The following FBN2 variants were observed in gnomAD, a reference collection of about 807,000 sequenced individuals.
The protein encoded by FBN2 is fibrillin-2.
Under a neutral mutation model 355.6 loss-of-function variants are expected in FBN2, and 105 were observed. The ratio of observed to expected loss-of-function variants is 0.30; its 90% confidence interval spans 0.25 to 0.35. The LOEUF is 0.35. FBN2 is among the 10% of genes least tolerant of loss of function. The probability of loss-of-function intolerance (pLI) is 1.00; values close to 1 mark genes in which losing one functional copy is unlikely to be tolerated. For synonymous variants in FBN2, 1,350 were observed against 1,301.2 expected (o/e 1.04, Z -0.81); for missense variants, 3,280 against 3,758.7 (o/e 0.87, Z 3.33).
At position 128,259,746 on chromosome 5, in the gene FBN2, C is replaced by G. The variant is rs758191719; in HGVS notation, c.8448G>C (p.Glu2816Asp). The change falls in exon 65 of 65, where the codon GAG becomes GAC. Residue 2816 changes from glutamate (E) to aspartate (D), a missense_variant. Transcript: ENST00000262464. ...KFNLSHLGSK[E>D]HILELRPAIQ... ...TGGCGGGCCTTAGTTCCAGGATGTG[C>G]TCCTTAGAGCCGAGGTGGGAGAGGT... 3 of 1,613,784 alleles carry G rather than the reference C, an allele frequency of 1.9e-6. No homozygotes were observed. The highest frequency in any genetic ancestry group is 2.5e-6 in the Non-Finnish European group (3 of 1,179,936).
chr5:128,323,706 A>G (rs983753688), intron 34 of FBN2, among the ~76,000 whole-genome samples: 4 of 152,212 alleles, frequency 2.6e-5, no homozygotes, highest in African/African-American at 9.6e-5. Flanking sequence ...TATTTTATTG[A>G]GAATCTTTGC....
intron 44 of FBN2, 89 bp from the exon 45 acceptor site, chr5:128,305,171 T>A: frequency 1.8e-6 from 2 of 1,098,570 alleles, no homozygotes; most frequent in Non-Finnish European, 2.7e-6. Context: ...AATCTGCTAT[T>A]AATTATTATA....
intron 8 of FBN2, among the ~76,000 whole-genome samples, chr5:128,401,351 A>T (rs1752793584): frequency 6.6e-6 from 1 of 152,240 alleles, no homozygotes; most frequent in Admixed American, 6.5e-5. Context: ...TATAGCTAAT[A>T]AAATCCAAAT....
At chr5:128,473,410 C>T (rs10035972) in intron 5 of FBN2, among the ~76,000 whole-genome samples, 54,340 of 152,028 alleles carry the variant, frequency 0.36, 12,006 homozygotes, top group African/African-American at 0.63. Context: ...TGTAGTGGCC[C>T]TTTTAATATA....
chr5:128,433,748 A>C (rs1406970344), intron 7 of FBN2, among the ~76,000 whole-genome samples: 1 of 152,196 alleles, frequency 6.6e-6, no homozygotes, highest in Non-Finnish European at 1.5e-5. Context: ...ACAAACCTGC[A>C]ACCCAACCCT....
At chr5:128,353,957 T>TTC (rs1751436253) in intron 20 of FBN2, among the ~76,000 whole-genome samples, 1 of 152,082 alleles carries the variant, frequency 6.6e-6, no homozygotes, top group Non-Finnish European at 1.5e-5. Context: ...AGGCTCATCC[T>TTC]TCTCTCTCTC....
At chr5:128,318,071 C>CA (rs777235536) in intron 36 of FBN2, 78 bp downstream of exon 36, 56 of 1,439,510 alleles carry the variant, frequency 3.9e-5, no homozygotes, top group Non-Finnish European at 5.1e-5. Context: ...AGCAAACACT[C>CA]ATCACGGTTC....
At position 128,511,244 on chromosome 5, in the gene FBN2, G is replaced by A. The variant is rs555701142; in HGVS notation, c.628+8029C>T. Among the ~76,000 whole-genome samples the A allele has an allele frequency of 8.5e-5, 13 of 152,264 alleles. 1 individual carries two copies. The South Asian group carries it at 1.7e-3, about 19-fold the overall frequency. The stretch of plus-strand genomic sequence containing the variant: ...ATTTTGTTTGCCACTCCAGAATGAC[G>A]TTTGTGGAGAACTGCTTTCAAGCAT... On this transcript the variant is annotated intron_variant, in intron 5 of 64. Transcript: ENST00000262464.
intron 5 of FBN2, among the ~76,000 whole-genome samples, chr5:128,467,290 G>A (rs952332260): frequency 2.0e-5 from 3 of 152,116 alleles, no homozygotes; most frequent in African/African-American, 7.2e-5. Context: ...CAGGAATAGA[G>A]TTGACCATTT....
At chr5:128,283,750 T>C (rs753482907) in intron 55 of FBN2, among the ~76,000 whole-genome samples, 16 of 152,220 alleles carry the variant, frequency 1.1e-4, no homozygotes, top group Non-Finnish European at 2.2e-4. Flanking sequence ...TATCTGACAC[T>C]GAGCATGACC....
chr5:128,290,388 G>T (rs1472137305), intron 50 of FBN2, among the ~76,000 whole-genome samples: 3 of 152,196 alleles, frequency 2.0e-5, no homozygotes, highest in African/African-American at 7.2e-5. Context: ...CACAGCCTGT[G>T]ATACAATGCC....
chr5:128,261,482 T>A (rs889811413), intron 64 of FBN2, among the ~76,000 whole-genome samples: 1 of 152,212 alleles, frequency 6.6e-6, no homozygotes. Flanking sequence ...CCCTCCCACA[T>A]AAATCAAAAA....
intron 7 of FBN2, among the ~76,000 whole-genome samples, chr5:128,435,500 C>T (rs188827611): frequency 2.0e-5 from 3 of 152,096 alleles, no homozygotes; most frequent in African/African-American, 4.8e-5. Flanking sequence ...GTGTCAAATG[C>T]TTTATATGTT....
rs1317521230 is a variant in FBN2, at chr5:128,427,237, TCGAG to T, written c.953-18442_953-18439del. Among the ~76,000 whole-genome samples, 3 of 152,240 alleles carry T rather than the reference TCGAG, an allele frequency of 2.0e-5. No individual in the cohort carries two copies. In the East Asian group the frequency reaches 5.8e-4, roughly 29 times the overall value. On this transcript the variant is annotated intron_variant, in intron 7 of 64. Coordinates refer to ENST00000262464, the MANE Select transcript of FBN2 (RefSeq NM_001999.4). The stretch of plus-strand genomic sequence containing the variant: ...AAATAAAAGATAATCTTGAGTTCCT[TCGAG>T]AGAAAGTCCAGGCACATAGCTAGTC...
intron 30 of FBN2, 34 bp downstream of exon 30, chr5:128,335,136 T>G: frequency 6.2e-7 from 1 of 1,613,862 alleles, no homozygotes; most frequent in Non-Finnish European, 8.5e-7. Context: ...TGCATGTGTG[T>G]GTATAAATGT....
chr5:128,466,923 T>C (rs765966787), intron 5 of FBN2, among the ~76,000 whole-genome samples: 4 of 152,200 alleles, frequency 2.6e-5, no homozygotes, highest in Non-Finnish European at 4.4e-5. Context: ...TAAATAAACA[T>C]TAAATTCCTA....
rs377689621 is a variant in FBN2, at chr5:128,273,960, C to T, written c.7720G>A (p.Glu2574Lys). Residue 2574 changes from glutamate (E) to lysine (K), a missense_variant, in exon 61 of 65, where the codon GAA becomes AAA. Physicochemically the swap from Glu to Lys is moderately conservative, Grantham distance 56. Coordinates refer to ENST00000262464, the MANE Select transcript of FBN2 (RefSeq NM_001999.4). ...CAAAGCGAAGGTTGAGACCCACATT[C>T]GTTGTTGTCTGGCAAAGCATCAAGA... Reference protein sequence around the residue: ...QHHTACIDNNECGSQPSLCGA... With the variant: ...QHHTACIDNNKCGSQPSLCGA... The T allele has an allele frequency of 1.9e-6, 3 of 1,613,882 alleles. No individual in the cohort carries two copies. The highest frequency in any genetic ancestry group is 2.2e-5 in the East Asian group (1 of 44,848).
rs1406694303 is a variant in FBN2 at position 128,408,713 on chromosome 5, G to A, written c.1039C>T (p.Arg347Cys). 9.9e-6 allele frequency: 16 copies of A among 1,613,974 alleles called. No individual in the cohort carries two copies. Among genetic ancestry groups the A allele is most frequent in the Non-Finnish European group, 1.4e-5 (16 of 1,179,906 alleles). ...TVGSYFCVCP[R>C]GYVTSTDGSR... ...CCATCTGTTGAGGTTACATATCCAC[G>A]TGGACAAACACAAAAATAGCTTCCC... The change falls in exon 8 of 65, where the codon CGT (arginine) becomes TGT (cysteine). Residue 347 changes from arginine (R) to cysteine (C), a missense_variant. Physicochemically the swap from Arg to Cys is radical, Grantham distance 180. Transcript: ENST00000262464.
chr5:128,432,708 A>G (rs1407933106), intron 7 of FBN2, among the ~76,000 whole-genome samples: 1 of 152,188 alleles, frequency 6.6e-6, no homozygotes, highest in Non-Finnish European at 1.5e-5. Flanking sequence ...TAATAGTCAT[A>G]AGTGATAAAA....
Sources: allele counts gnomAD v4.1 joint callset (sites outside exome capture counted in the v4.1 genomes callset), GRCh38; gene constraint gnomAD v4.1.1; transcripts MANE v1.5; gene names NCBI Gene and HGNC (gene_info 2026-07-23, HGNC 2026-07-21).